The following ACOX1 variants were observed in gnomAD, a reference collection of about 807,000 sequenced individuals.
The protein encoded by ACOX1 is acyl-CoA oxidase 1.
Under a neutral mutation model 75.5 loss-of-function variants are expected in ACOX1, and 41 were observed. The ratio of observed to expected loss-of-function variants is 0.54; its 90% CI spans 0.42 to 0.70. ACOX1 has a LOEUF of 0.70. Among genes scored for constraint, ACOX1 ranks in the 30% least tolerant of loss-of-function variants. The pLI is 0.00. For synonymous variants in ACOX1, 303 were observed against 298.8 expected (o/e 1.01, Z -0.15); for missense variants, 630 against 837.5 (o/e 0.75, Z 3.06).
Position 75,978,933 on chromosome 17 carries a change from G to C in ACOX1, c.109+32C>G. The stretch of plus-strand genomic sequence containing the variant: ...CGAGGGAGTCTCCAGCTTTTCTCGG[G>C]AAAGGAGGGAGGTCTCGCCCGCCGC... On this transcript the variant is annotated intron_variant, in intron 1 of 13. Transcript: ENST00000293217. This position sits in a 1 kb window ranked among gnomAD's most constrained non-coding sequence, Gnocchi z 4.2. 6.2e-7 allele frequency: 1 copy of C among 1,607,166 alleles called. No individual in the cohort carries two copies. The highest frequency in any genetic ancestry group is 8.5e-7 in the Non-Finnish European group (1 of 1,179,690).
Position 75,950,030 on chromosome 17 carries a change from C to A in ACOX1, c.1299-133G>T. 1.1e-6 allele frequency: 1 copy of A among 952,024 alleles called. No individual in the cohort carries two copies. The allele number at this position is 952,024 out of a possible 1,614,324, so 59.0% of individuals were successfully genotyped here. On this transcript the variant is annotated intron_variant, in intron 9 of 13. Coordinates refer to ENST00000293217, the MANE Select transcript of ACOX1 (RefSeq NM_004035.7). This position sits in a 1 kb window ranked among gnomAD's most constrained non-coding sequence, Gnocchi z 4.3. The stretch of plus-strand genomic sequence containing the variant: ...TCTCAGCTCACTGCAACCTCCTCCT[C>A]TTGGGTTCAAATGAATGATTCTCCT...
At chr17:75,949,388 T>C (rs370407184) in intron 11 of ACOX1, 28 bp from the exon 12 acceptor site, 2 of 1,613,924 alleles carry the variant, frequency 1.2e-6, no homozygotes, top group East Asian at 2.2e-5. Context: ...ACACCAGAGT[T>C]TGAGAACCTT....
At position 75,948,394 on chromosome 17, in the gene ACOX1, G is replaced by A. The variant is rs754808181; in HGVS notation, c.1792C>T (p.Leu598=). The change falls in exon 13 of 14, where the codon CTG becomes TTG. Residue 598 remains leucine (L), a synonymous_variant. Transcript: ENST00000293217. ...VNQRVKELLT[L]IRSDAVALVD... is the part of the protein sequence containing the mutation. ...AAAGCAACAGCATCTGAGCGAATCA[G>A]AGTGAGTAACTCCTTTACACGCTGG... The A allele has an allele frequency of 6.2e-7, 1 of 1,614,140 alleles. No homozygotes were observed. The highest frequency in any genetic ancestry group is 2.2e-5 in the East Asian group (1 of 44,878).
intron 4 of ACOX1, 26 bp downstream of exon 4, chr17:75,957,433 C>G: frequency 6.4e-7 from 1 of 1,568,872 alleles, no homozygotes; most frequent in Non-Finnish European, 8.8e-7. Context: ...TCAAAACATC[C>G]AATAAATGCT....
intron 2 of ACOX1, among the ~76,000 whole-genome samples, chr17:75,975,536 C>T (rs188079474): frequency 2.0e-5 from 3 of 152,294 alleles, no homozygotes; most frequent in Admixed American, 1.3e-4. Flanking sequence ...CTCTTAGATA[C>T]GAATATTTCT....
rs2144238034 is a variant in ACOX1, at chr17:75,949,891, C to T, written c.1305G>A (p.Leu435=). 2 of 1,614,236 alleles carry T rather than the reference C, an allele frequency of 1.2e-6. No homozygotes were observed. Among genetic ancestry groups the T allele is most frequent in the Non-Finnish European group, 1.7e-6 (2 of 1,180,040 alleles). ...AGTGCACCTGATCATAACTTTTCAT[C>T]AGGAACCTAAAAGTCACCAGTAAAC... ...TVMMLQTARF[L]MKSYDQVHSG... Residue 435 remains leucine, a synonymous_variant, in exon 10 of 14, where the codon CTG becomes CTA. Coordinates refer to ENST00000293217, the MANE Select transcript of ACOX1 (RefSeq NM_004035.7).
In ACOX1 at chr17:75,960,123, G is replaced by GACCATAGA. The variant is rs1359517057; in HGVS notation, c.430+91_430+92insTCTATGGT. 3.3e-6 allele frequency: 5 copies of GACCATAGA among 1,514,166 alleles called. No individual in the cohort carries two copies. The highest frequency in any genetic ancestry group is 3.6e-6 in the Non-Finnish European group (4 of 1,098,054). 93.8% of individuals were successfully genotyped at this position (1,514,166 alleles called of 1,614,324 possible). A position where few individuals can be genotyped will look rare whatever the true frequency, so the allele number is the denominator to read the frequency against. ...TCATTTAAACAGACCATAGAACATCGACACACCATCGATGGCACATGGTGG... is the reference window on the plus strand; with the variant it reads ...TCATTTAAACAGACCATAGAACATCGACCATAGAACACACCATCGATGGCACATGGTGG... On this transcript the variant is annotated intron_variant, in intron 3 of 13. Transcript: ENST00000293217. The surrounding 1 kb of genome is among the most constrained non-coding windows in gnomAD (Gnocchi z 4.4).
intron 2 of ACOX1, among the ~76,000 whole-genome samples, chr17:75,972,645 CAA>C (rs10606220): frequency 0.19 from 19,119 of 99,058 alleles, 2,113 homozygotes; most frequent in African/African-American, 0.37. Flanking sequence ...AACTCTGTCT[CAA>C]AAAAAAAAAA....
At chr17:75,975,929 GGAAAA>G in intron 2 of ACOX1, among the ~76,000 whole-genome samples, 1 of 150,348 alleles carries the variant, frequency 6.7e-6, no homozygotes, top group African/African-American at 2.4e-5. Flanking sequence ...GAAAAAGAAA[GGAAAA>G]GAAAGAAAAG....
rs2066073865 is a variant in ACOX1, at chr17:75,978,161, C to G, written c.269+373G>C. On this transcript the variant is annotated intron_variant, in intron 2 of 13. Transcript: ENST00000293217. This position sits in a 1 kb window ranked among gnomAD's most constrained non-coding sequence, Gnocchi z 4.2. ...CCAGGCTGGAGTGCAGTGGCGCGAT[C>G]TCGGCTCACTGCAAGCTCCGCCTCC... Among the ~76,000 whole-genome samples the G allele has an allele frequency of 6.6e-6, 1 of 152,144 alleles. No individual in the cohort carries two copies. Among genetic ancestry groups the G allele is most frequent in the African/African-American group, 2.4e-5 (1 of 41,440 alleles).
chr17:75,972,807 CAATAA>C (rs2066009639), intron 2 of ACOX1, among the ~76,000 whole-genome samples: 1 of 152,114 alleles, frequency 6.6e-6, no homozygotes, highest in African/African-American at 2.4e-5. Context: ...ATGGAGATGA[CAATAA>C]ATAACATTTT....
At chr17:75,948,774 G>A (rs971392207) in intron 12 of ACOX1, among the ~76,000 whole-genome samples, 2 of 151,520 alleles carry the variant, frequency 1.3e-5, no homozygotes, top group Non-Finnish European at 2.9e-5. Context: ...GGCTGGTCTC[G>A]AACTCCCGAC....
chr17:75,967,682 G>A (rs536269040), intron 2 of ACOX1, among the ~76,000 whole-genome samples: 27 of 90,802 alleles, frequency 3.0e-4, no homozygotes, highest in Non-Finnish European at 3.8e-4. Flanking sequence ...ATATATATAC[G>A]TATATATATA....
chr17:75,953,769 C>A (rs1035393964), intron 6 of ACOX1, 149 bp from the exon 7 acceptor site: 2 of 960,724 alleles, frequency 2.1e-6, no homozygotes, highest in Non-Finnish European at 3.2e-6. Flanking sequence ...CCCTGACCAA[C>A]TGAATCAGAA....
In ACOX1 at chr17:75,960,375, A is replaced by C. The variant is rs769091361; in HGVS notation, c.270T>G (p.Asn90Lys). 19 of 1,613,548 alleles carry C rather than the reference A, an allele frequency of 1.2e-5. No homozygotes were observed. The South Asian group carries it at 2.1e-4, about 18-fold the overall frequency. ...ADPDEIMWFK[N>K]FVHRGRPEPL... ...GCTCAGGCCGCCCTCGGTGCACAAA[A>C]CTTCGAGGAAATATCAAGGATGGGC... The change falls in exon 3 of 14, where the codon AAT (asparagine) becomes AAG (lysine). Residue 90 changes from asparagine (N) to lysine (K), a missense_variant and splice_region_variant. Physicochemically the swap from Asn to Lys is moderately conservative, Grantham distance 94. Around this residue, in one of 2 missense-constraint regions of ACOX1, gnomAD observed 390 missense variants for 574.9 expected, o/e 0.68. Transcript: ENST00000293217. The surrounding 1 kb of genome is among the most constrained non-coding windows in gnomAD (Gnocchi z 4.4).
chr17:75,972,024 G>A (rs1322568448), intron 2 of ACOX1, among the ~76,000 whole-genome samples: 3 of 152,022 alleles, frequency 2.0e-5, no homozygotes, highest in African/African-American at 4.8e-5. Context: ...TACTCCAAGC[G>A]AGGAGGACTA....
rs566190027 is a variant in ACOX1 at position 75,947,669 on chromosome 17, T to C, written c.1935+582A>G. 1.1e-4 allele frequency among the ~76,000 whole-genome samples: 17 copies of C among 151,946 alleles called. No homozygotes were observed. The South Asian group carries it at 3.5e-3, about 32-fold the overall frequency. On this transcript the variant is annotated intron_variant, in intron 13 of 13. Coordinates refer to ENST00000293217, the MANE Select transcript of ACOX1 (RefSeq NM_004035.7). ...AAAGAGCACTACGGAATTCTCTTTT[T>C]GTATATTTTATTCTATTTGTGTGTG...
chr17:75,963,048 T>C (rs1377412255), intron 2 of ACOX1, among the ~76,000 whole-genome samples: 1 of 151,926 alleles, frequency 6.6e-6, no homozygotes, highest in East Asian at 1.9e-4. Flanking sequence ...GGAGAATCAC[T>C]TGAACCCAGG....
chr17:75,956,160 T>C (rs577528200), intron 4 of ACOX1, among the ~76,000 whole-genome samples: 4 of 152,332 alleles, frequency 2.6e-5, no homozygotes, highest in Admixed American at 6.5e-5. Flanking sequence ...TTATTTCTCA[T>C]ACATTTACGT....
Sources: allele counts gnomAD v4.1 joint callset (sites outside exome capture counted in the v4.1 genomes callset), GRCh38; gene constraint gnomAD v4.1.1; regional missense constraint gnomAD v4.1.1; non-coding constraint Gnocchi (gnomAD v3.1); transcripts MANE v1.5; gene names NCBI Gene and HGNC (gene_info 2026-07-23, HGNC 2026-07-21).